The following MAP4K5 variants were observed in gnomAD, a reference collection of about 807,000 sequenced individuals.
The protein encoded by MAP4K5 is mitogen-activated protein kinase kinase kinase kinase 5.
In MAP4K5, 82 loss-of-function variants were observed where a neutral mutation model predicts 135.6. That is an observed-to-expected ratio of 0.60 (90% CI 0.51 to 0.73). The LOEUF is 0.73. MAP4K5 is among the 30% of genes least tolerant of loss of function. The pLI is 0.00. For synonymous variants in MAP4K5, 347 were observed against 335.0 expected (o/e 1.04, Z -0.39); for missense variants, 907 against 1,010.9 (o/e 0.90, Z 1.39).
upstream of MAP4K5, among the ~76,000 whole-genome samples, chr14:50,536,868 G>A (rs569552777): frequency 1.3e-5 from 2 of 152,308 alleles, no homozygotes; most frequent in East Asian, 1.9e-4. Flanking sequence ...GTTGTTAAAA[G>A]CATTCAGTCT....
chr14:50,504,482 A>C (rs2037768605), intron 3 of MAP4K5, among the ~76,000 whole-genome samples: 1 of 152,084 alleles, frequency 6.6e-6, no homozygotes, highest in Non-Finnish European at 1.5e-5. Context: ...TTCACCCCAA[A>C]AAATCATTGA....
At position 50,519,942 on chromosome 14, in the gene MAP4K5, T is replaced by G. The variant is rs190799605; in HGVS notation, c.108+12000A>C. On this transcript the variant is annotated intron_variant, in intron 2 of 32. Coordinates refer to ENST00000682126, the MANE Select transcript of MAP4K5 (RefSeq NM_006575.6). ...AAAACTAGTTCCTTAAAAGATGTCT[T>G]TAAAAATATATTAAGTTACACCTGA... 2.0e-5 allele frequency among the ~76,000 whole-genome samples: 3 copies of G among 152,278 alleles called. No individual in the cohort carries two copies. In the East Asian group the frequency reaches 5.8e-4, roughly 29 times the overall value.
chr14:50,548,071 A>G (rs1446710196), intron 1 of MAP4K5, among the ~76,000 whole-genome samples: 3 of 152,110 alleles, frequency 2.0e-5, no homozygotes, highest in Non-Finnish European at 4.4e-5. Context: ...AGAACAGGGG[A>G]TGGGAAGCCA....
At position 50,465,777 on chromosome 14, in the gene MAP4K5, TG is replaced by T. The variant is rs557406373; in HGVS notation, c.737+805del. On this transcript the variant is annotated intron_variant, in intron 11 of 32. Coordinates refer to ENST00000682126, the MANE Select transcript of MAP4K5 (RefSeq NM_006575.6). ...AAATTATTGAGTTTTATGAGAACAC[TG>T]GATTATAAAGAACACTGGGCCGGGT... Among the ~76,000 whole-genome samples the T allele has an allele frequency of 6.8e-3, 1,032 of 152,218 alleles. 15 individuals are homozygous for T. The highest frequency in any genetic ancestry group is 0.023 in the African/African-American group (967 of 41,548).
intron 31 of MAP4K5, among the ~76,000 whole-genome samples, chr14:50,423,849 G>A (rs765109340): frequency 3.3e-5 from 5 of 152,168 alleles, no homozygotes; most frequent in Non-Finnish European, 5.9e-5. Context: ...GTATACCTGG[G>A]GGCAGGCCTT....
chr14:50,432,757 T>C (rs963397499), intron 28 of MAP4K5, among the ~76,000 whole-genome samples: 10 of 151,950 alleles, frequency 6.6e-5, no homozygotes, highest in African/African-American at 2.4e-4. Context: ...AAAAAAAAAG[T>C]TGGGCTGTCA....
At chr14:50,529,161 T>C (rs1270848467) in intron 2 of MAP4K5, among the ~76,000 whole-genome samples, 1 of 151,974 alleles carries the variant, frequency 6.6e-6, no homozygotes, top group Admixed American at 6.5e-5. Flanking sequence ...GGCAGGCAGA[T>C]CATTTAAGCT....
intron 13 of MAP4K5, among the ~76,000 whole-genome samples, chr14:50,457,330 A>G (rs1235276996): frequency 6.6e-6 from 1 of 152,220 alleles, no homozygotes; most frequent in Non-Finnish European, 1.5e-5. Flanking sequence ...TTAAATATGT[A>G]TGAGACTATG....
chr14:50,421,241 A>C (rs1344022389), intron 32 of MAP4K5, among the ~76,000 whole-genome samples: 3 of 152,062 alleles, frequency 2.0e-5, no homozygotes, highest in Non-Finnish European at 2.9e-5. Flanking sequence ...TACTTAAGCA[A>C]CAAAATAATT....
At chr14:50,560,388 C>A in intron 1 of MAP4K5, 1 of 1,509,326 alleles carries the variant, frequency 6.6e-7, no homozygotes, top group Non-Finnish European at 9.0e-7. Flanking sequence ...GGGCCAAGGG[C>A]TGCTAGGTGC....
intron 2 of MAP4K5, among the ~76,000 whole-genome samples, chr14:50,516,509 G>C (rs989466712): frequency 6.6e-6 from 1 of 152,196 alleles, no homozygotes; most frequent in Admixed American, 6.5e-5. Flanking sequence ...CAGAAGAAAA[G>C]AGGATCAAGA....
rs1595557953 is a variant in MAP4K5 at position 50,532,164 on chromosome 14, C to A, written c.-109-6G>T. On this transcript the variant is annotated splice_region_variant and splice_polypyrimidine_tract_variant and intron_variant, in intron 1 of 32. Transcript: ENST00000682126. ...GCCTCCGCCCGCAGCTCCGTCTGCA[C>A]GAGGGACGAGCAAAGGCTGGTTGGC... The A allele has an allele frequency of 6.0e-6, 4 of 671,996 alleles. No individual in the cohort carries two copies. In the East Asian group the frequency reaches 1.1e-4, roughly 19 times the overall value. The allele number at this position is 671,996 out of a possible 1,614,324, so 41.6% of individuals were successfully genotyped here. A position where few individuals can be genotyped will look rare whatever the true frequency, so the allele number is the denominator to read the frequency against.
At chr14:50,483,441 C>T (rs564862961) in intron 5 of MAP4K5, among the ~76,000 whole-genome samples, 27 of 152,054 alleles carry the variant, frequency 1.8e-4, no homozygotes, top group Admixed American at 1.2e-3. Context: ...ATTTCTACCG[C>T]GTATTTTAAT....
chr14:50,441,777 CACACACACACACACACACACAT>C (rs1373278244), intron 21 of MAP4K5, among the ~76,000 whole-genome samples: 47 of 140,582 alleles, frequency 3.3e-4, no homozygotes, highest in African/African-American at 1.3e-3. Flanking sequence ...CACACACACA[CACACACACACACACACACACAT>C]ATATATACCC....
intron 2 of MAP4K5, among the ~76,000 whole-genome samples, chr14:50,513,841 T>C (rs1595534077): frequency 6.6e-6 from 1 of 152,302 alleles, no homozygotes; most frequent in East Asian, 1.9e-4. Context: ...GACATCTCAA[T>C]ATTTTTAACA....
At chr14:50,531,896 G>C (rs375773581) in intron 2 of MAP4K5, 46 bp downstream of exon 2, 3 of 1,337,036 alleles carry the variant, frequency 2.2e-6, no homozygotes, top group Non-Finnish European at 2.1e-6. Context: ...CCCCATTCCC[G>C]GGACCCAGTC....
chr14:50,460,319 GC>G (rs10714262), intron 13 of MAP4K5, among the ~76,000 whole-genome samples: 4,735 of 151,900 alleles, frequency 0.031, 233 homozygotes, highest in African/African-American at 0.11. Flanking sequence ...ATACCATTGT[GC>G]CCCCCCAACT....
intron 3 of MAP4K5, among the ~76,000 whole-genome samples, chr14:50,498,495 T>C (rs530577865): frequency 6.6e-6 from 1 of 152,310 alleles, no homozygotes; most frequent in African/African-American, 2.4e-5. Context: ...TGTGGCTAAT[T>C]AATAAACGCG....
intron 11 of MAP4K5, among the ~76,000 whole-genome samples, chr14:50,464,500 G>A (rs1449971986): frequency 5.3e-5 from 8 of 152,124 alleles, no homozygotes; most frequent in African/African-American, 1.2e-4. Context: ...TGGACGGCAC[G>A]AAAGGTAGGC....
Sources: gnomAD v4.1 joint callset for allele counts (sites outside exome capture counted in the v4.1 genomes callset) on GRCh38, gnomAD v4.1.1 for gene constraint, MANE v1.5 for transcripts, NCBI Gene and HGNC (gene_info 2026-07-23, HGNC 2026-07-21) for gene names.